SPATA17: variants seen among roughly 807,000 people sequenced by gnomAD.
SPATA17 encodes spermatogenesis associated 17.
SPATA17 carries 53 observed loss-of-function variants against 62.2 expected under a neutral mutation model. That is an observed-to-expected ratio of 0.85 (90% CI 0.68 to 1.07). The LOEUF is 1.07. Among genes scored for constraint, SPATA17 ranks in the 50% least tolerant of loss-of-function variants. SPATA17 has a pLI of 0.00. For missense variants in SPATA17, 466 were observed against 425.5 expected (o/e 1.10, Z -0.84); for synonymous variants, 146 against 146.8 (o/e 0.99, Z 0.04).
intron 5 of SPATA17, among the ~76,000 whole-genome samples, chr1:217,721,785 T>C (rs1262276158): frequency 6.6e-6 from 1 of 152,192 alleles, no homozygotes; most frequent in Non-Finnish European, 1.5e-5. Flanking sequence ...TACTCTTTAC[T>C]GTGCTGGAAC....
intron 4 of SPATA17, among the ~76,000 whole-genome samples, chr1:217,675,144 A>C (rs907297271): frequency 1.3e-5 from 2 of 152,022 alleles, no homozygotes; most frequent in Admixed American, 6.6e-5. Flanking sequence ...AATTATATGG[A>C]TATGTTGAGG....
intron 4 of SPATA17, among the ~76,000 whole-genome samples, chr1:217,673,686 C>T (rs953235812): frequency 6.6e-6 from 1 of 152,150 alleles, no homozygotes; most frequent in East Asian, 1.9e-4. Context: ...AAAACTCACC[C>T]TCCATTTTCT....
intron 5 of SPATA17, among the ~76,000 whole-genome samples, chr1:217,717,969 G>A (rs1015390277): frequency 4.6e-5 from 7 of 152,170 alleles, no homozygotes; most frequent in Non-Finnish European, 1.0e-4. Flanking sequence ...AACTAATGGG[G>A]TCATAAGCAG....
chr1:217,762,833 G>A (rs1039622316), intron 6 of SPATA17, among the ~76,000 whole-genome samples: 8 of 152,158 alleles, frequency 5.3e-5, no homozygotes, highest in South Asian at 2.1e-4. Flanking sequence ...TTAGCTGGGC[G>A]TGGTGGTGTG....
At chr1:217,705,428 GTC>G (rs1671710546) in intron 5 of SPATA17, among the ~76,000 whole-genome samples, 1 of 59,602 alleles carries the variant, frequency 1.7e-5, no homozygotes, top group Admixed American at 1.9e-4. Flanking sequence ...GATTCTAGTT[GTC>G]TTTTTTTTTT....
chr1:217,796,699 T>A (rs186081248), intron 8 of SPATA17, among the ~76,000 whole-genome samples: 10 of 152,324 alleles, frequency 6.6e-5, no homozygotes, highest in Admixed American at 3.3e-4. Context: ...GTCTGTCTAA[T>A]TTCTATTCCA....
chr1:217,770,000 G>A (rs776635932), intron 6 of SPATA17, among the ~76,000 whole-genome samples: 8 of 152,190 alleles, frequency 5.3e-5, no homozygotes, highest in Non-Finnish European at 7.3e-5. Flanking sequence ...GCAGTAGTAT[G>A]TCCTGATAAT....
chr1:217,726,996 C>A (rs2102938457), intron 5 of SPATA17, among the ~76,000 whole-genome samples: 1 of 151,968 alleles, frequency 6.6e-6, no homozygotes, highest in South Asian at 2.1e-4. Flanking sequence ...GCCTGTAATC[C>A]CAGCACTTTG....
In SPATA17 at chr1:217,651,165, A is replaced by C; in HGVS notation, c.227A>C (p.Gln76Pro). ...AGTTTCTTAGGCAGAAAGCAATATCAACTAACTGTGCAGGTAAATATAAAA... is the reference window on the plus strand; with the variant it reads ...AGTTTCTTAGGCAGAAAGCAATATCCACTAACTGTGCAGGTAAATATAAAA... ...WRSFLGRKQYQLTVQVAYYTM... is the reference protein window; with the variant it reads ...WRSFLGRKQYPLTVQVAYYTM... Residue 76 changes from glutamine (Q) to proline (P), a missense_variant, in exon 3 of 11, where the codon CAA becomes CCA. Physicochemically the swap from Gln to Pro is moderately conservative, Grantham distance 76. Coordinates refer to ENST00000366933, the MANE Select transcript of SPATA17 (RefSeq NM_138796.4). 1 of 1,608,042 alleles carries C rather than the reference A, an allele frequency of 6.2e-7. No homozygotes were observed.
intron 8 of SPATA17, among the ~76,000 whole-genome samples, chr1:217,785,852 A>G (rs1390500438): frequency 1.3e-5 from 2 of 152,102 alleles, no homozygotes; most frequent in Non-Finnish European, 2.9e-5. Flanking sequence ...AATAATAAAG[A>G]CATGGAAAAT....
At chr1:217,748,743 CAAAAAAA>C (rs34000760) in intron 6 of SPATA17, among the ~76,000 whole-genome samples, 3 of 115,390 alleles carry the variant, frequency 2.6e-5, no homozygotes, top group Non-Finnish European at 5.3e-5. Context: ...GACTCTGACT[CAAAAAAA>C]AAAAAAAAAA....
At chr1:217,684,569 CA>C in intron 5 of SPATA17, among the ~76,000 whole-genome samples, 1 of 152,120 alleles carries the variant, frequency 6.6e-6, no homozygotes, top group East Asian at 1.9e-4. Context: ...TGCATGCCAC[CA>C]CGCCCAGCTA....
At chr1:217,801,460 CTATA>C (rs1674310252) in intron 8 of SPATA17, among the ~76,000 whole-genome samples, 1 of 152,032 alleles carries the variant, frequency 6.6e-6, no homozygotes, top group Non-Finnish European at 1.5e-5. Context: ...AACATTATCT[CTATA>C]TATAAAATAC....
At chr1:217,829,634 A>G (rs996245542) in intron 9 of SPATA17, among the ~76,000 whole-genome samples, 15 of 148,866 alleles carry the variant, frequency 1.0e-4, no homozygotes, top group African/African-American at 3.0e-4. Context: ...TCTCAAAAAA[A>G]AAAAAAAAAA....
At chr1:217,766,665 T>C (rs988945787) in intron 6 of SPATA17, among the ~76,000 whole-genome samples, 1 of 151,908 alleles carries the variant, frequency 6.6e-6, no homozygotes, top group Non-Finnish European at 1.5e-5. Flanking sequence ...ATTTCTTCTC[T>C]GATCTCCCTT....
At chr1:217,835,713 G>C (rs61827070) in intron 9 of SPATA17, among the ~76,000 whole-genome samples, 4,830 of 152,198 alleles carry the variant, frequency 0.032, 113 homozygotes, top group Middle Eastern at 0.062. Context: ...ACCAGGCTAG[G>C]AGCAGGAGAG....
chr1:217,750,455 A>G (rs550795604), intron 6 of SPATA17, among the ~76,000 whole-genome samples: 40 of 152,162 alleles, frequency 2.6e-4, no homozygotes, highest in Non-Finnish European at 5.3e-4. Context: ...TATTAAGAGG[A>G]CATGCAGAAG....
At chr1:217,795,840 C>A (rs1305396940) in intron 8 of SPATA17, among the ~76,000 whole-genome samples, 1 of 151,896 alleles carries the variant, frequency 6.6e-6, no homozygotes, top group Non-Finnish European at 1.5e-5. Flanking sequence ...AGTCTGTCAC[C>A]CAGGCTGGAG....
At chr1:217,643,799 G>A (rs150350873) in intron 1 of SPATA17, among the ~76,000 whole-genome samples, 53 of 151,736 alleles carry the variant, frequency 3.5e-4, no homozygotes, top group Middle Eastern at 6.8e-3. Flanking sequence ...CACGACCTCA[G>A]CTCACTGCAA....
Sources: allele counts gnomAD v4.1 joint callset (sites outside exome capture counted in the v4.1 genomes callset), GRCh38; gene constraint gnomAD v4.1.1; transcripts MANE v1.5; gene names NCBI Gene and HGNC (gene_info 2026-07-23, HGNC 2026-07-21).